The following FAM90A1 variants were observed in gnomAD, a reference collection of about 807,000 sequenced individuals.
The protein encoded by FAM90A1 is protein FAM90A1.
In FAM90A1, 10 loss-of-function variants were observed where a neutral mutation model predicts 14.8. The ratio of observed to expected loss-of-function variants is 0.67; its 90% CI spans 0.42 to 1.14. The LOEUF is 1.14. Ranked by LOEUF, FAM90A1 falls within the 50% of genes most tolerant of loss-of-function variation. The pLI is 0.00. For synonymous variants in FAM90A1, 236 were observed against 248.4 expected (o/e 0.95, Z 0.47); for missense variants, 567 against 602.8 (o/e 0.94, Z 0.62).
chr12:8,227,021 T>C (rs778743171), intron 1 of FAM90A1, among the ~76,000 whole-genome samples: 52 of 152,272 alleles, frequency 3.4e-4, no homozygotes, highest in African/African-American at 1.1e-3. Flanking sequence ...CAGGCTGGTC[T>C]TGAACTCCTG....
chr12:8,225,534 C>T (rs1363593003), intron 3 of FAM90A1, among the ~76,000 whole-genome samples: 11 of 152,220 alleles, frequency 7.2e-5, no homozygotes, highest in Non-Finnish European at 1.2e-4. Context: ...AGTGCCATAT[C>T]GTATCAATGT....
Position 8,222,357 on chromosome 12 carries a change from C to A in FAM90A1, c.860G>T (p.Gly287Val). 6.2e-7 allele frequency: 1 copy of A among 1,611,730 alleles called. No individual in the cohort carries two copies. The highest frequency in any genetic ancestry group is 8.5e-7 in the Non-Finnish European group (1 of 1,179,902). The change falls in exon 7 of 7, where the codon GGG (glycine) becomes GTG (valine). Residue 287 changes from glycine to valine, a missense_variant. By Grantham distance (109) the Gly-to-Val change is moderately radical. Transcript: ENST00000538603. The part of the protein sequence containing the change: ...SLGLGSNLSF[G>V]PGAKRSAPAP... ...CGGGGCAGATCTCTTGGCTCCTGGCCCGAAGCTGAGATTGGAGCCTAGGCC... is the reference window on the plus strand; with the variant it reads ...CGGGGCAGATCTCTTGGCTCCTGGCACGAAGCTGAGATTGGAGCCTAGGCC...
Position 8,222,521 on chromosome 12 carries a change from G to T in FAM90A1, c.696C>A (p.Ser232Arg). ...PLLVVKPTHS[S>R]PAGGCREVPQ... ...GAACTTCTCGACAGCCACCCGCAGG[G>T]CTGCTGTGTGTCGGCTTCACCACGA... Residue 232 changes from serine to arginine, a missense_variant, in exon 7 of 7, where the codon AGC becomes AGA. Physicochemically the swap from Ser to Arg is moderately radical, Grantham distance 110 (BLOSUM62 -1). Transcript: ENST00000538603. The T allele has an allele frequency of 6.2e-7, 1 of 1,611,812 alleles. No individual in the cohort carries two copies. The highest frequency in any genetic ancestry group is 8.5e-7 in the Non-Finnish European group (1 of 1,179,680).
At chr12:8,225,097 C>T (rs1487496957) in intron 3 of FAM90A1, among the ~76,000 whole-genome samples, 18 of 152,256 alleles carry the variant, frequency 1.2e-4, no homozygotes, top group South Asian at 4.1e-4. Flanking sequence ...GAGTAAACCT[C>T]GCCTGCCACA....
rs543730929 is a variant in FAM90A1, at chr12:8,227,314, C to T, written c.-421+166G>A. Among the ~76,000 whole-genome samples, 282 of 152,272 alleles carry T rather than the reference C, an allele frequency of 1.9e-3. 1 individual carries two copies. Among genetic ancestry groups the T allele is most frequent in the Non-Finnish European group, 1.8e-3 (125 of 68,026 alleles). On this transcript the variant is annotated intron_variant, in intron 1 of 6. Transcript: ENST00000538603. Reference sequence around the variant, plus strand: ...GCTCCCAGGAGTGGTTTGGAACCTGCGCCGTGTGCTCTGGGGGCTGTGGCA... The same window carrying T: ...GCTCCCAGGAGTGGTTTGGAACCTGTGCCGTGTGCTCTGGGGGCTGTGGCA...
rs1473673692 is a variant in FAM90A1 at position 8,223,940 on chromosome 12, G to A, written c.323+76C>T. 5.7e-5 allele frequency: 79 copies of A among 1,383,410 alleles called. 1 individual carries two copies. The South Asian group carries it at 8.4e-4, about 15-fold the overall frequency. 85.7% of individuals were successfully genotyped at this position (1,383,410 alleles called of 1,614,324 possible). Reference sequence around the variant, plus strand: ...CTGGCCCGGAGACGGAAAGGCACACGGTGTGCAGGTGCAGAGACACCATGT... The same window carrying A: ...CTGGCCCGGAGACGGAAAGGCACACAGTGTGCAGGTGCAGAGACACCATGT... On this transcript the variant is annotated intron_variant, in intron 5 of 6. Coordinates refer to ENST00000538603, the MANE Select transcript of FAM90A1 (RefSeq NM_018088.3).
Position 8,221,698 on chromosome 12 carries a change from G to C in FAM90A1, c.*124C>G, listed in dbSNP as rs202187715. The C allele has an allele frequency of 1.5e-3, 1,697 of 1,128,938 alleles. 12 individuals are homozygous for C. In the East Asian group the frequency reaches 0.018, roughly 12 times the overall value. The allele number at this position is 1,128,938 out of a possible 1,614,324, so 69.9% of individuals were successfully genotyped here. On this transcript the variant is annotated 3_prime_UTR_variant, in exon 7 of 7. Coordinates refer to ENST00000538603, the MANE Select transcript of FAM90A1 (RefSeq NM_018088.3). ...GCCTGGGCTCCCACATCCACAGAAGGGCCACAGCCGGGGAGCTTCGGAGTC... is the reference window on the plus strand; with the variant it reads ...GCCTGGGCTCCCACATCCACAGAAGCGCCACAGCCGGGGAGCTTCGGAGTC...
Position 8,222,286 on chromosome 12 carries a change from C to T in FAM90A1, c.931G>A (p.Gly311Ser). The T allele has an allele frequency of 2.5e-6, 4 of 1,611,334 alleles. No homozygotes were observed. The highest frequency in any genetic ancestry group is 3.4e-6 in the Non-Finnish European group (4 of 1,179,940). ...CLNFPKKPRLGPFQIPESAIQ... is the reference protein window; with the variant it reads ...CLNFPKKPRLSPFQIPESAIQ... ...GCGCTTTCGGGGATCTGGAAGGGAC[C>T]CAGTCTCGGTTTCTTGGGGAAGTTC... The change falls in exon 7 of 7, where the codon GGT (glycine) becomes AGT (serine). Residue 311 changes from glycine (G) to serine (S), a missense_variant. Coordinates refer to ENST00000538603, the MANE Select transcript of FAM90A1 (RefSeq NM_018088.3).
chr12:8,222,130 G>T lies in FAM90A1; in HGVS notation c.1087C>A (p.Pro363Thr). ...PAQVLSGDRQ[P>T]PHSRPCLPTA... is the part of the protein sequence containing the mutation. ...GGCAGGCAAGGTCTGCTGTGCGGAGGCTGCCGGTCGCCGCTAAGCACCTGG... is the reference window on the plus strand; with the variant it reads ...GGCAGGCAAGGTCTGCTGTGCGGAGTCTGCCGGTCGCCGCTAAGCACCTGG... Residue 363 changes from proline to threonine, a missense_variant, in exon 7 of 7, where the codon CCT (proline) becomes ACT (threonine). Pro to Thr is a conservative substitution (Grantham distance 38). Coordinates refer to ENST00000538603, the MANE Select transcript of FAM90A1 (RefSeq NM_018088.3). The T allele has an allele frequency of 6.2e-7, 1 of 1,611,950 alleles. No individual in the cohort carries two copies.
At chr12:8,224,567 G>A (rs1216567576) in intron 4 of FAM90A1, 143 bp downstream of exon 4, 28 of 770,160 alleles carry the variant, frequency 3.6e-5, no homozygotes, top group Admixed American at 1.5e-4. Context: ...CCCAAGCCAC[G>A]CCCACCTTGG....
chr12:8,221,810 C>T lies in FAM90A1; in HGVS notation c.*12G>A. 1 of 1,592,828 alleles carries T rather than the reference C, an allele frequency of 6.3e-7. No individual in the cohort carries two copies. Among genetic ancestry groups the T allele is most frequent in the Non-Finnish European group, 8.5e-7 (1 of 1,176,632 alleles). Reference sequence around the variant, plus strand: ...GGAGCTGGAGGCCAAGGAGCCCCTGCCACCTGCAGTCTCACTCCAGGTCAG... The same window carrying T: ...GGAGCTGGAGGCCAAGGAGCCCCTGTCACCTGCAGTCTCACTCCAGGTCAG... On this transcript the variant is annotated 3_prime_UTR_variant, in exon 7 of 7. Transcript: ENST00000538603.
At chr12:8,225,490 T>C (rs774010464) in intron 3 of FAM90A1, among the ~76,000 whole-genome samples, 24 of 152,376 alleles carry the variant, frequency 1.6e-4, no homozygotes, top group South Asian at 4.1e-4. Flanking sequence ...ATTTTACGCA[T>C]GCCACACGAA....
intron 2 of FAM90A1, 83 bp from the exon 3 acceptor site, chr12:8,226,075 GTC>G (rs1275488751): frequency 6.6e-6 from 1 of 152,064 alleles, no homozygotes; most frequent in African/African-American, 2.4e-5. Context: ...ACTCGGAAAG[GTC>G]TATCTGCACA....
intron 3 of FAM90A1, among the ~76,000 whole-genome samples, chr12:8,225,190 C>G (rs1385347161): frequency 6.6e-6 from 1 of 152,210 alleles, no homozygotes; most frequent in African/African-American, 2.4e-5. Flanking sequence ...AGGTCTATCA[C>G]GATTCACTCC....
rs766658993 is a variant in FAM90A1, at chr12:8,222,682, C to A, written c.535G>T (p.Val179Phe). The A allele has an allele frequency of 2.5e-6, 4 of 1,609,856 alleles. No individual in the cohort carries two copies. Among genetic ancestry groups the A allele is most frequent in the Non-Finnish European group, 2.5e-6 (3 of 1,179,866 alleles). ...SATEMSDRGSVLASLSPLRKA... is the reference protein window; with the variant it reads ...SATEMSDRGSFLASLSPLRKA... ...CTGAGGGGAGACAGTGAAGCTAAGA[C>A]GGAGCCCCTGTCAGACATTTCGGTA... is the stretch of plus-strand genomic sequence containing the variant. The change falls in exon 7 of 7, where the codon GTC (valine) becomes TTC (phenylalanine). Residue 179 changes from valine (V) to phenylalanine (F), a missense_variant. Val to Phe is a conservative substitution (Grantham distance 50). Transcript: ENST00000538603.
chr12:8,225,156 C>A (rs1948917912), intron 3 of FAM90A1, among the ~76,000 whole-genome samples: 1 of 152,248 alleles, frequency 6.6e-6, no homozygotes, highest in Non-Finnish European at 1.5e-5. Flanking sequence ...CCCAAACTAA[C>A]AACTGATTCT....
Position 8,224,144 on chromosome 12 carries a change from C to T in FAM90A1, c.195G>A (p.Lys65=), listed in dbSNP as rs775467269. The T allele has an allele frequency of 3.7e-6, 6 of 1,611,942 alleles. No homozygotes were observed. The highest frequency in any genetic ancestry group is 5.1e-6 in the Non-Finnish European group (6 of 1,179,868). The stretch of plus-strand genomic sequence containing the variant: ...CAAAGTTCGGTGGAACCAGGGCTGC[C>T]TTCCAGCACTTCATGGGGCACCTGG... ...RSTRCPMKCW[K]AALVPPNFGE... is the part of the protein sequence containing the mutation. The change falls in exon 5 of 7, where the codon AAG becomes AAA. Residue 65 remains lysine, a synonymous_variant. Coordinates refer to ENST00000538603, the MANE Select transcript of FAM90A1 (RefSeq NM_018088.3).
rs1275875355 is a variant in FAM90A1 at position 8,224,171 on chromosome 12, A to G, written c.168T>C (p.Ser56=). 2 of 1,611,910 alleles carry G rather than the reference A, an allele frequency of 1.2e-6. No individual in the cohort carries two copies. Among genetic ancestry groups the G allele is most frequent in the Non-Finnish European group, 1.7e-6 (2 of 1,179,872 alleles). The change falls in exon 5 of 7, where the codon AGT becomes AGC. Residue 56 remains serine (S), a synonymous_variant. Transcript: ENST00000538603. ...TCCAGCACTTCATGGGGCACCTGGT[A>G]CTTCTGGCCGTGTGGCCAAAGGCCT... ...NCEAFGHTAR[S]TRCPMKCWKA...
In FAM90A1 at chr12:8,221,672, G is replaced by A; in HGVS notation, c.*150C>T. Reference sequence around the variant, plus strand: ...GAGTCCCTGCATCTGCTCCCTGCCTGGCCTGGGCTCCCACATCCACAGAAG... The same window carrying A: ...GAGTCCCTGCATCTGCTCCCTGCCTAGCCTGGGCTCCCACATCCACAGAAG... On this transcript the variant is annotated 3_prime_UTR_variant, in exon 7 of 7. Transcript: ENST00000538603. 2 of 849,088 alleles carry A rather than the reference G, an allele frequency of 2.4e-6. No homozygotes were observed. Among genetic ancestry groups the A allele is most frequent in the Non-Finnish European group, 3.7e-6 (2 of 544,648 alleles). 52.6% of individuals were successfully genotyped at this position (849,088 alleles called of 1,614,324 possible).
Sources: gnomAD v4.1 joint callset for allele counts (sites outside exome capture counted in the v4.1 genomes callset) on GRCh38, gnomAD v4.1.1 for gene constraint, MANE v1.5 for transcripts, NCBI Gene and HGNC (gene_info 2026-07-23, HGNC 2026-07-21) for gene names.